TMEM132C: variants seen among roughly 807,000 people sequenced by gnomAD.
TMEM132C encodes the protein transmembrane protein 132C.
In TMEM132C, 29 loss-of-function variants were observed where a neutral mutation model predicts 61.4. The observed-to-expected ratio is 0.47, with a 90% confidence interval of 0.35 to 0.64. The LOEUF is 0.64. TMEM132C is among the 30% of genes least tolerant of loss of function. The probability of loss-of-function intolerance (pLI) is 0.00; values close to 1 mark genes in which losing one functional copy is unlikely to be tolerated. For synonymous variants in TMEM132C, 656 were observed against 633.1 expected (o/e 1.04, Z -0.54); for missense variants, 1,408 against 1,476.9 (o/e 0.95, Z 0.76).
intron 2 of TMEM132C, among the ~76,000 whole-genome samples, chr12:128,517,233 C>CAAATAAATAAAT (rs59000862): frequency 0.012 from 1,664 of 142,748 alleles, 15 homozygotes; most frequent in South Asian, 0.015. Flanking sequence ...TCCGTCTCAA[C>CAAATAAATAAAT]AAATAAATAA....
At chr12:128,321,135 GAAA>G (rs150141594) in intron 1 of TMEM132C, among the ~76,000 whole-genome samples, 1 of 128,078 alleles carries the variant, frequency 7.8e-6, no homozygotes, top group African/African-American at 3.2e-5. Flanking sequence ...TGCCATTTTT[GAAA>G]AATAATAATA....
At chr12:128,692,063 C>T (rs552292914) in intron 5 of TMEM132C, among the ~76,000 whole-genome samples, 1 of 149,518 alleles carries the variant, frequency 6.7e-6, no homozygotes, top group East Asian at 1.9e-4. Flanking sequence ...TGTCCACCAC[C>T]CATTCACCTG....
At chr12:128,596,045 C>T (rs1481356612) in intron 3 of TMEM132C, among the ~76,000 whole-genome samples, 3 of 152,138 alleles carry the variant, frequency 2.0e-5, no homozygotes, top group Admixed American at 1.3e-4. Flanking sequence ...ATGTTCTGTC[C>T]ATCACACTGG....
intron 1 of TMEM132C, among the ~76,000 whole-genome samples, chr12:128,391,141 T>G (rs925804888): frequency 2.0e-5 from 3 of 152,116 alleles, no homozygotes; most frequent in African/African-American, 7.2e-5. Flanking sequence ...GCAGTCACCC[T>G]CCCTCCAAGT....
At chr12:128,423,418 T>C (rs1869060353) in intron 2 of TMEM132C, among the ~76,000 whole-genome samples, 1 of 152,204 alleles carries the variant, frequency 6.6e-6, no homozygotes, top group African/African-American at 2.4e-5. Context: ...GCTCTCACCA[T>C]GTTCCAATAA....
intron 4 of TMEM132C, among the ~76,000 whole-genome samples, chr12:128,669,008 G>C (rs1185243171): frequency 6.6e-6 from 1 of 152,182 alleles, no homozygotes; most frequent in African/African-American, 2.4e-5. Flanking sequence ...CCGGAGATTA[G>C]AGCATGGATA....
At chr12:128,330,109 T>A (rs187972031) in intron 1 of TMEM132C, among the ~76,000 whole-genome samples, 1 of 152,274 alleles carries the variant, frequency 6.6e-6, no homozygotes, top group East Asian at 1.9e-4. Context: ...GAGTAGAAGA[T>A]AGCATCACTG....
chr12:128,700,394 T>C (rs1476649344), intron 8 of TMEM132C, among the ~76,000 whole-genome samples: 10 of 152,246 alleles, frequency 6.6e-5, no homozygotes, highest in African/African-American at 1.9e-4. Context: ...GTCTCAATCA[T>C]GCAGCAGGGC....
At chr12:128,390,585 C>T (rs1051464756) in intron 1 of TMEM132C, among the ~76,000 whole-genome samples, 5 of 152,200 alleles carry the variant, frequency 3.3e-5, no homozygotes, top group South Asian at 2.1e-4. Flanking sequence ...CACCTGTAGC[C>T]GCACCTCCGC....
intron 1 of TMEM132C, among the ~76,000 whole-genome samples, chr12:128,314,302 G>A (rs1872076014): frequency 6.6e-6 from 1 of 151,992 alleles, no homozygotes; most frequent in Non-Finnish European, 1.5e-5. Context: ...AGCTTTATAA[G>A]GAACAATCTT....
At chr12:128,469,589 C>T (rs972103025) in intron 2 of TMEM132C, among the ~76,000 whole-genome samples, 1 of 151,640 alleles carries the variant, frequency 6.6e-6, no homozygotes, top group African/African-American at 2.4e-5. Context: ...AGCCACCATG[C>T]CTGGCCACAA....
intron 4 of TMEM132C, among the ~76,000 whole-genome samples, chr12:128,651,708 A>G (rs907861325): frequency 6.6e-6 from 1 of 152,088 alleles, no homozygotes; most frequent in Non-Finnish European, 1.5e-5. Context: ...ATAGCAGGGA[A>G]TGGGAATGGG....
At chr12:128,433,603 T>G (rs1349184040) in intron 2 of TMEM132C, among the ~76,000 whole-genome samples, 1 of 152,020 alleles carries the variant, frequency 6.6e-6, no homozygotes, top group South Asian at 2.1e-4. Context: ...AAACTGGAGG[T>G]AAAATGAAAA....
intron 1 of TMEM132C, among the ~76,000 whole-genome samples, chr12:128,366,810 G>T (rs146318727): frequency 6.6e-6 from 1 of 152,172 alleles, no homozygotes; most frequent in Non-Finnish European, 1.5e-5. Context: ...TATGTGCTGC[G>T]TGCAGAGTTA....
At chr12:128,446,877 A>T (rs931134383) in intron 2 of TMEM132C, among the ~76,000 whole-genome samples, 1 of 152,190 alleles carries the variant, frequency 6.6e-6, no homozygotes, top group Non-Finnish European at 1.5e-5. Context: ...GCATAGACAG[A>T]TACAAAATGC....
chr12:128,322,467 G>A (rs1437161365), intron 1 of TMEM132C, among the ~76,000 whole-genome samples: 5 of 152,260 alleles, frequency 3.3e-5, no homozygotes, highest in Non-Finnish European at 7.3e-5. Flanking sequence ...ACAGCAATAA[G>A]TTACTGGACT....
At chr12:128,437,221 A>T (rs1869629610) in intron 2 of TMEM132C, among the ~76,000 whole-genome samples, 1 of 152,208 alleles carries the variant, frequency 6.6e-6, no homozygotes, top group Non-Finnish European at 1.5e-5. Context: ...GGTACAGCAA[A>T]CCAACATGGC....
At chr12:128,348,935 A>T (rs551353168) in intron 1 of TMEM132C, among the ~76,000 whole-genome samples, 3 of 152,144 alleles carry the variant, frequency 2.0e-5, no homozygotes, top group African/African-American at 7.2e-5. Context: ...CATGTTTTCT[A>T]TTTGAAAAAT....
Position 128,631,966 on chromosome 12 carries a change from CA to C in TMEM132C, c.1305+15633del, listed in dbSNP as rs138260632. On this transcript the variant is annotated intron_variant, in intron 4 of 8. Transcript: ENST00000435159. ...CCTGCCTCCCGCATAACCTCAGATC[CA>C]ACAGGAGCCAAAATAATTGGAGTGG... 7.6e-4 allele frequency among the ~76,000 whole-genome samples: 115 copies of C among 152,282 alleles called. 1 individual carries two copies. In the East Asian group the frequency reaches 0.022, roughly 29 times the overall value.
Sources: gnomAD v4.1 joint callset for allele counts (sites outside exome capture counted in the v4.1 genomes callset) on GRCh38, gnomAD v4.1.1 for gene constraint, MANE v1.5 for transcripts, NCBI Gene and HGNC (gene_info 2026-07-23, HGNC 2026-07-21) for gene names.